MAP7: variants seen among roughly 807,000 people sequenced by gnomAD.
MAP7 encodes microtubule associated protein 7, also known as ensconsin.
Under a neutral mutation model 94.8 loss-of-function variants are expected in MAP7, and 52 were observed. That is an observed-to-expected ratio of 0.55 (90% CI 0.44 to 0.69). The LOEUF is 0.69. Ranked by LOEUF, MAP7 falls within the 30% of genes least tolerant of loss-of-function variation. The probability of loss-of-function intolerance (pLI) is 0.00; values close to 1 mark genes in which losing one functional copy is unlikely to be tolerated. For synonymous variants in MAP7, 350 were observed against 357.0 expected, an observed-to-expected ratio of 0.98 and a Z score of 0.22; for missense variants, 940 against 964.6, an observed-to-expected ratio of 0.97 and a Z score of 0.34.
Position 136,343,132 on chromosome 6 carries a change from G to C in MAP7, c.*1096C>G, listed in dbSNP as rs1238568071. 1.3e-5 allele frequency: 2 copies of C among 152,592 alleles called. No individual in the cohort carries two copies. The highest frequency in any genetic ancestry group is 3.8e-4 in the East Asian group (2 of 5,204). 9.5% of individuals were successfully genotyped at this position (152,592 alleles called of 1,614,324 possible). A position where few individuals can be genotyped will look rare whatever the true frequency, so the allele number is the denominator to read the frequency against. Reference sequence around the variant, plus strand: ...TGAATTTATATTAGCAAATGAAAGTGCAAGTTTGTACAGCTAGGCTCAGCA... The same window carrying C: ...TGAATTTATATTAGCAAATGAAAGTCCAAGTTTGTACAGCTAGGCTCAGCA... On this transcript the variant is annotated 3_prime_UTR_variant, in exon 18 of 18. Coordinates refer to ENST00000354570, the MANE Select transcript of MAP7 (RefSeq NM_003980.6).
chr6:136,412,287 A>C (rs1787734541), intron 2 of MAP7, among the ~76,000 whole-genome samples: 1 of 152,186 alleles, frequency 6.6e-6, no homozygotes, highest in African/African-American at 2.4e-5. Flanking sequence ...TGTCCCAGTA[A>C]ATCACTGAAC....
chr6:136,493,797 T>G (rs1173707401), intron 1 of MAP7, among the ~76,000 whole-genome samples: 1 of 152,220 alleles, frequency 6.6e-6, no homozygotes, highest in Non-Finnish European at 1.5e-5. Context: ...GCTTCCCATC[T>G]GCAGTTTTAT....
intron 1 of MAP7, among the ~76,000 whole-genome samples, chr6:136,469,271 TTC>T (rs1199775229): frequency 1.3e-5 from 2 of 152,116 alleles, no homozygotes; most frequent in Non-Finnish European, 1.5e-5. Flanking sequence ...TTTGGTTTCA[TTC>T]TCTTTTCTTT....
At chr6:136,409,475 C>T (rs1786680398) in intron 3 of MAP7, among the ~76,000 whole-genome samples, 2 of 152,190 alleles carry the variant, frequency 1.3e-5, no homozygotes, top group Admixed American at 1.3e-4. Context: ...TAGAATAATA[C>T]AATCATCTAG....
At chr6:136,426,206 T>C (rs1288840567) in intron 1 of MAP7, among the ~76,000 whole-genome samples, 2 of 152,220 alleles carry the variant, frequency 1.3e-5, no homozygotes, top group Non-Finnish European at 1.5e-5. Context: ...ATCATTTGAA[T>C]GTCCTCACAA....
At chr6:136,445,495 C>T (rs923371541) in intron 1 of MAP7, among the ~76,000 whole-genome samples, 1 of 152,196 alleles carries the variant, frequency 6.6e-6, no homozygotes, top group African/African-American at 2.4e-5. Flanking sequence ...TCCTTACTCT[C>T]TTGTACTCCC....
At chr6:136,443,352 T>C (rs967209625) in intron 1 of MAP7, among the ~76,000 whole-genome samples, 2 of 152,178 alleles carry the variant, frequency 1.3e-5, no homozygotes, top group African/African-American at 4.8e-5. Context: ...AAAACCTTAC[T>C]TTAAGGGAAT....
At chr6:136,397,061 G>T (rs905278312) in intron 3 of MAP7, among the ~76,000 whole-genome samples, 2 of 152,162 alleles carry the variant, frequency 1.3e-5, no homozygotes, top group Non-Finnish European at 2.9e-5. Context: ...TTTCTACCAG[G>T]AAGTGCAGAT....
chr6:136,356,337 AT>A (rs35928579), intron 16 of MAP7, among the ~76,000 whole-genome samples: 1 of 150,514 alleles, frequency 6.6e-6, no homozygotes. Flanking sequence ...TAGTTTTGCT[AT>A]TTTTTTTTGT....
At chr6:136,521,500 T>C (rs1362272842) in intron 1 of MAP7, among the ~76,000 whole-genome samples, 2 of 152,138 alleles carry the variant, frequency 1.3e-5, no homozygotes, top group South Asian at 4.1e-4. Context: ...GCAAATTTAG[T>C]ATTAGATCTG....
At chr6:136,444,449 T>C (rs943466117) in intron 1 of MAP7, among the ~76,000 whole-genome samples, 16 of 152,212 alleles carry the variant, frequency 1.1e-4, no homozygotes, top group African/African-American at 3.1e-4. Flanking sequence ...TTTCAATCTA[T>C]GGATAGGCAT....
chr6:136,344,213 CT>C lies in MAP7; in HGVS notation c.*14del. On this transcript the variant is annotated 3_prime_UTR_variant, in exon 18 of 18. Transcript: ENST00000354570. ...TTCTCATTAAATTTCAGCTTTGGTT[CT>C]TCAGAAGAAACACTCATATAACTTC... The C allele has an allele frequency of 7.6e-7, 1 of 1,322,204 alleles. No individual in the cohort carries two copies. The highest frequency in any genetic ancestry group is 1.0e-6 in the Non-Finnish European group (1 of 989,666). The allele number at this position is 1,322,204 out of a possible 1,614,324, so 81.9% of individuals were successfully genotyped here. A position where few individuals can be genotyped will look rare whatever the true frequency, so the allele number is the denominator to read the frequency against.
intron 3 of MAP7, among the ~76,000 whole-genome samples, chr6:136,392,924 G>C (rs2128675153): frequency 1.3e-5 from 2 of 152,218 alleles, no homozygotes; most frequent in Admixed American, 1.3e-4. Context: ...TCTCCTATAA[G>C]AGATCCAGAA....
chr6:136,407,767 A>C (rs1786087949), intron 3 of MAP7, among the ~76,000 whole-genome samples: 1 of 152,206 alleles, frequency 6.6e-6, no homozygotes, highest in Non-Finnish European at 1.5e-5. Context: ...GGGCCAGCCA[A>C]GGAAGGGAGA....
At chr6:136,472,233 C>T (rs985828715) in intron 1 of MAP7, among the ~76,000 whole-genome samples, 1 of 152,138 alleles carries the variant, frequency 6.6e-6, no homozygotes, top group Non-Finnish European at 1.5e-5. Context: ...TCAATTCCTA[C>T]AAATTAATTA....
At chr6:136,409,578 G>C (rs1365383463) in intron 3 of MAP7, among the ~76,000 whole-genome samples, 2 of 152,210 alleles carry the variant, frequency 1.3e-5, no homozygotes, top group African/African-American at 4.8e-5. Context: ...CTTGCACATT[G>C]CTGTATAATG....
At position 136,531,548 on chromosome 6, in the gene MAP7, G is replaced by A. The variant is rs923218900; in HGVS notation, c.67+18794C>T. ...GTTTTCACCAAACAGAGGCAGTGGG[G>A]AGCCACTGAAGGGTATTGATAGCTA... On this transcript the variant is annotated intron_variant, in intron 1 of 17. Coordinates refer to ENST00000354570, the MANE Select transcript of MAP7 (RefSeq NM_003980.6). Among the ~76,000 whole-genome samples, 14 of 144,440 alleles carry A rather than the reference G, an allele frequency of 9.7e-5. 3 individuals carry two copies. The highest frequency in any genetic ancestry group is 4.1e-4 in the African/African-American group (14 of 34,534). The allele number at this position is 144,440 out of a possible 152,430, so 94.8% of individuals were successfully genotyped here.
chr6:136,444,558 C>T (rs1188852867), intron 1 of MAP7, among the ~76,000 whole-genome samples: 1 of 152,138 alleles, frequency 6.6e-6, no homozygotes, highest in South Asian at 2.1e-4. Flanking sequence ...GGAACCATCT[C>T]TTTGTGCATC....
intron 3 of MAP7, among the ~76,000 whole-genome samples, chr6:136,406,779 C>A (rs2128725928): frequency 6.6e-6 from 1 of 152,258 alleles, no homozygotes; most frequent in African/African-American, 2.4e-5. Context: ...TGAGATCATG[C>A]CACTGCACTC....
Sources: allele counts gnomAD v4.1 joint callset (sites outside exome capture counted in the v4.1 genomes callset), GRCh38; gene constraint gnomAD v4.1.1; transcripts MANE v1.5; gene names NCBI Gene and HGNC (gene_info 2026-07-23, HGNC 2026-07-21).